Variants in TEX35 observed in about 807,000 individuals in gnomAD.
TEX35 encodes the protein testis-expressed protein 35.
Under a neutral mutation model 31.9 loss-of-function variants are expected in TEX35, and 26 were observed. The observed-to-expected ratio is 0.81, with a 90% CI of 0.60 to 1.13. The LOEUF (loss-of-function observed/expected upper bound fraction) is 1.13. Among genes scored for constraint, TEX35 ranks in the 50% most tolerant of loss-of-function variants. The pLI is 0.00. For missense variants in TEX35, 278 were observed against 273.5 expected, an observed-to-expected ratio of 1.02 and a Z score of -0.12; for synonymous variants, 87 against 90.7, an observed-to-expected ratio of 0.96 and a Z score of 0.23.
chr1:178,522,263 T>C, intron 8 of TEX35, 62 bp from the exon 9 acceptor site: 1 of 1,512,808 alleles, frequency 6.6e-7, no homozygotes. Context: ...CTTTCTTGGG[T>C]TCTGGGGATC....
At chr1:178,517,303 C>T (rs746150968) in intron 5 of TEX35, among the ~76,000 whole-genome samples, 3 of 152,218 alleles carry the variant, frequency 2.0e-5, no homozygotes, top group Non-Finnish European at 2.9e-5. Flanking sequence ...AACGCCTCAA[C>T]AGCCTCTCTG....
chr1:178,521,851 G>T, intron 8 of TEX35: 1 of 1,495,576 alleles, frequency 6.7e-7, no homozygotes. Context: ...CAAAACTTGA[G>T]TGTGTGGAGG....
chr1:178,517,212 C>A (rs1282891895), intron 5 of TEX35, among the ~76,000 whole-genome samples: 2 of 152,118 alleles, frequency 1.3e-5, no homozygotes, highest in African/African-American at 4.8e-5. Flanking sequence ...TTAGCCTTAC[C>A]AGATATTAAA....
rs1650007078 is a variant in TEX35, at chr1:178,514,645, C to T, written c.91-55C>T. Reference sequence around the variant, plus strand: ...CAGGGGGATCTCTTCTGCCTCTGCACTTCCACCGCCCATCTGCAATTCCCA... The same window carrying T: ...CAGGGGGATCTCTTCTGCCTCTGCATTTCCACCGCCCATCTGCAATTCCCA... On this transcript the variant is annotated intron_variant, in intron 2 of 8. Coordinates refer to ENST00000319416, the MANE Select transcript of TEX35 (RefSeq NM_032126.5). 3.2e-6 allele frequency: 5 copies of T among 1,555,592 alleles called. No homozygotes were observed. In the South Asian group the frequency reaches 3.4e-5, roughly 11 times the overall value.
chr1:178,520,998 G>A (rs562614034), intron 7 of TEX35, 124 bp downstream of exon 7: 347 of 1,543,274 alleles, frequency 2.2e-4, no homozygotes, highest in Non-Finnish European at 3.0e-4. Flanking sequence ...CTGACTTCTG[G>A]GTGCCGCCCG....
intron 4 of TEX35, 127 bp downstream of exon 4, chr1:178,516,042 A>T: frequency 1.3e-6 from 1 of 753,886 alleles, no homozygotes; most frequent in South Asian, 1.7e-5. Flanking sequence ...CCTAATACCC[A>T]GAGCACTTCA....
intron 3 of TEX35, among the ~76,000 whole-genome samples, chr1:178,515,036 G>A (rs529957687): frequency 1.3e-5 from 2 of 152,308 alleles, no homozygotes; most frequent in Admixed American, 6.5e-5. Flanking sequence ...ACATTGCCTC[G>A]AATTACCAGG....
intron 4 of TEX35, 30 bp downstream of exon 4, chr1:178,515,945 A>C: frequency 6.4e-7 from 1 of 1,562,414 alleles, no homozygotes. Context: ...CATATCATGG[A>C]GGGAAAGTGT....
Position 178,522,411 on chromosome 1 carries a change from G to T in TEX35, c.673G>T (p.Ala225Ser), listed in dbSNP as rs148791663. 1.7e-5 allele frequency: 27 copies of T among 1,603,488 alleles called. No homozygotes were observed. In the Admixed American group the frequency reaches 2.5e-4, roughly 15 times the overall value. ...TQPSVGHAVPAPKSQTEGR is the reference protein window; with the variant it reads ...TQPSVGHAVPSPKSQTEGR The stretch of plus-strand genomic sequence containing the variant: ...ACCTTCTGTGGGCCACGCTGTGCCT[G>T]CCCCAAAGTCCCAGACTGAGGGAAG... Residue 225 changes from alanine to serine, a missense_variant, in exon 9 of 9, where the codon GCC becomes TCC. Coordinates refer to ENST00000319416, the MANE Select transcript of TEX35 (RefSeq NM_032126.5).
intron 8 of TEX35, chr1:178,521,651 G>A (rs760038752): frequency 1.1e-5 from 17 of 1,552,188 alleles, no homozygotes; most frequent in South Asian, 2.4e-5. Flanking sequence ...CGGTGACATC[G>A]AATATGTGTT....
At chr1:178,520,531 C>T in intron 6 of TEX35, 95 bp downstream of exon 6, 3 of 1,608,706 alleles carry the variant, frequency 1.9e-6, no homozygotes, top group South Asian at 2.2e-5. Flanking sequence ...CACCCAGACT[C>T]TTGGAGGAGT....
intron 3 of TEX35, among the ~76,000 whole-genome samples, 192 bp downstream of exon 3, chr1:178,514,960 C>T (rs1650021833): frequency 4.6e-5 from 7 of 152,164 alleles, no homozygotes. Context: ...ACCAGTTGTC[C>T]CACACATGTG....
chr1:178,515,604 G>A (rs937564814), intron 3 of TEX35, among the ~76,000 whole-genome samples: 20 of 151,336 alleles, frequency 1.3e-4, no homozygotes, highest in Non-Finnish European at 2.1e-4. Context: ...TGGGGGTCTC[G>A]CTATGTTGCC....
chr1:178,514,121 T>C (rs1162482084), intron 2 of TEX35, 44 bp downstream of exon 2: 1 of 1,614,014 alleles, frequency 6.2e-7, no homozygotes, highest in Non-Finnish European at 8.5e-7. Context: ...AGGCCTGAGA[T>C]CCATGGGGAA....
intron 2 of TEX35, 65 bp from the exon 3 acceptor site, chr1:178,514,635 T>C (rs1267145460): frequency 4.7e-6 from 7 of 1,496,374 alleles, no homozygotes; most frequent in Middle Eastern, 1.7e-4. Flanking sequence ...GGATCTCTTC[T>C]GCCTCTGCAC....
At chr1:178,514,234 G>A (rs778648336) in intron 2 of TEX35, 157 bp downstream of exon 2, 3 of 1,544,450 alleles carry the variant, frequency 1.9e-6, no homozygotes, top group South Asian at 2.4e-5. Context: ...ACTTCACACT[G>A]TAACCAATCA....
At position 178,522,354 on chromosome 1, in the gene TEX35, T is replaced by A. The variant is rs971706513; in HGVS notation, c.616T>A (p.Tyr206Asn). The A allele has an allele frequency of 1.9e-6, 3 of 1,605,022 alleles. No individual in the cohort carries two copies. The highest frequency in any genetic ancestry group is 2.6e-6 in the Non-Finnish European group (3 of 1,175,372). Residue 206 changes from tyrosine to asparagine, a missense_variant, in exon 9 of 9, where the codon TAC becomes AAC. Physicochemically the swap from Tyr to Asn is moderately radical, Grantham distance 143. Transcript: ENST00000319416. ...GNIPSEASGL[Y>N]KGGEEPVTTQ... ...CATTCCTTCAGAGGCCTCAGGCCTT[T>A]ACAAAGGTGGAGAGGAGCCAGTGAC...
At chr1:178,520,491 C>A (rs917593383) in intron 6 of TEX35, 55 bp downstream of exon 6, 3 of 1,613,984 alleles carry the variant, frequency 1.9e-6, no homozygotes, top group East Asian at 4.5e-5. Context: ...CCTCCCTTCC[C>A]TTTGTTGGAT....
rs751055357 is a variant in TEX35, at chr1:178,520,622, C to T, written c.342-51C>T. The T allele has an allele frequency of 1.0e-5, 16 of 1,599,226 alleles. No individual in the cohort carries two copies. In the South Asian group the frequency reaches 1.8e-4, roughly 18 times the overall value. On this transcript the variant is annotated intron_variant, in intron 6 of 8. Coordinates refer to ENST00000319416, the MANE Select transcript of TEX35 (RefSeq NM_032126.5). ...GTGTACTGGTTATCTCCTTGTCATG[C>T]TGCAAAATGTCTCCCCAACTCTCTG...
Sources: allele counts gnomAD v4.1 joint callset (sites outside exome capture counted in the v4.1 genomes callset), GRCh38; gene constraint gnomAD v4.1.1; transcripts MANE v1.5; gene names NCBI Gene and HGNC (gene_info 2026-07-23, HGNC 2026-07-21).